The following CDH8 variants were observed in gnomAD, a reference collection of about 807,000 sequenced individuals.
The protein encoded by CDH8 is cadherin-8.
A neutral mutation model predicts 68.1 loss-of-function variants in CDH8; 17 were observed. The observed-to-expected ratio is 0.25, with a 90% CI of 0.17 to 0.37. The LOEUF is 0.37. Ranked by LOEUF, CDH8 falls within the 10% of genes least tolerant of loss-of-function variation. The pLI is 1.00. For missense variants in CDH8, 763 were observed against 999.3 expected (o/e 0.76, Z 3.19); for synonymous variants, 372 against 365.1 (o/e 1.02, Z -0.21).
intron 2 of CDH8, among the ~76,000 whole-genome samples, chr16:61,959,845 A>T: frequency 6.7e-6 from 1 of 148,326 alleles, no homozygotes; most frequent in Non-Finnish European, 1.5e-5. Flanking sequence ...GTATATATAT[A>T]TACATATATG....
rs149979684 is a variant in CDH8 at position 61,719,409 on chromosome 16, C to T, written c.1537-5451G>A. Among the ~76,000 whole-genome samples, 106 of 151,128 alleles carry T rather than the reference C, an allele frequency of 7.0e-4. 2 individuals are homozygous for T. The East Asian group carries it at 0.02, about 28-fold the overall frequency. The stretch of plus-strand genomic sequence containing the variant: ...TAAATTGAAGTAAACCAATACAACG[C>T]TAGGATTCCAGAAGAATGCGTCTAT... On this transcript the variant is annotated intron_variant, in intron 9 of 11. Coordinates refer to ENST00000577390, the MANE Select transcript of CDH8 (RefSeq NM_001796.5).
intron 7 of CDH8, among the ~76,000 whole-genome samples, chr16:61,789,770 C>G (rs1345816406): frequency 6.6e-6 from 1 of 152,040 alleles, no homozygotes; most frequent in Non-Finnish European, 1.5e-5. Flanking sequence ...GTTAATTGGA[C>G]AATCCATCAC....
chr16:62,002,829 G>A (rs2408009), intron 2 of CDH8, among the ~76,000 whole-genome samples: 1,712 of 152,170 alleles, frequency 0.011, 33 homozygotes, highest in African/African-American at 0.039. Flanking sequence ...CGAGGTGGGC[G>A]GATCACGAGG....
rs956931500 is a variant in CDH8, at chr16:61,791,077, T to A, written c.1278-1595A>T. Among the ~76,000 whole-genome samples, 15 of 152,046 alleles carry A rather than the reference T, an allele frequency of 9.9e-5. No homozygotes were observed. The East Asian group carries it at 2.9e-3, about 29-fold the overall frequency. ...AATTTCTCAATTGTTTATTGAGAAA[T>A]CATTTGAAAAAATATATTATGAAAT... On this transcript the variant is annotated intron_variant, in intron 7 of 11. Coordinates refer to ENST00000577390, the MANE Select transcript of CDH8 (RefSeq NM_001796.5).
At chr16:61,744,632 C>T (rs1027119533) in intron 8 of CDH8, among the ~76,000 whole-genome samples, 2 of 151,380 alleles carry the variant, frequency 1.3e-5, no homozygotes, top group East Asian at 3.9e-4. Context: ...TAGTTTTCCC[C>T]TTTTCTATGT....
At chr16:61,694,138 T>C (rs1456364489) in intron 10 of CDH8, among the ~76,000 whole-genome samples, 1 of 152,118 alleles carries the variant, frequency 6.6e-6, no homozygotes, top group Non-Finnish European at 1.5e-5. Flanking sequence ...AAATTGACTT[T>C]TGTTTGTTTG....
intron 2 of CDH8, among the ~76,000 whole-genome samples, chr16:61,973,526 G>A (rs1965381297): frequency 1.3e-5 from 2 of 152,134 alleles, no homozygotes; most frequent in South Asian, 4.1e-4. Context: ...AACTGTGTAC[G>A]GCTCTTCAGA....
At chr16:62,035,582 C>T (rs888450812) in intron 1 of CDH8, among the ~76,000 whole-genome samples, 1 of 152,130 alleles carries the variant, frequency 6.6e-6, no homozygotes, top group Non-Finnish European at 1.5e-5. Flanking sequence ...TCCCTCGCCT[C>T]GGAGATGAGG....
intron 2 of CDH8, among the ~76,000 whole-genome samples, chr16:62,002,835 C>G (rs778990428): frequency 6.6e-6 from 1 of 152,090 alleles, no homozygotes; most frequent in Non-Finnish European, 1.5e-5. Flanking sequence ...GGGCGGATCA[C>G]GAGGTCAGGA....
At chr16:61,982,596 G>C (rs1223268240) in intron 2 of CDH8, among the ~76,000 whole-genome samples, 2 of 152,142 alleles carry the variant, frequency 1.3e-5, no homozygotes, top group African/African-American at 4.8e-5. Context: ...CCCTCTTTGA[G>C]TTGTTATAAA....
chr16:62,026,612 C>A (rs1218781845), intron 1 of CDH8, among the ~76,000 whole-genome samples: 2 of 152,174 alleles, frequency 1.3e-5, no homozygotes, highest in Non-Finnish European at 2.9e-5. Context: ...TGAATATATG[C>A]AATTTTATAT....
chr16:61,879,215 A>G (rs1246576589), intron 3 of CDH8, among the ~76,000 whole-genome samples: 1 of 152,210 alleles, frequency 6.6e-6, no homozygotes, highest in Non-Finnish European at 1.5e-5. Context: ...ATATTGAATC[A>G]TCAAGTAAAA....
At chr16:61,941,155 G>C (rs989588874) in intron 2 of CDH8, among the ~76,000 whole-genome samples, 1 of 152,106 alleles carries the variant, frequency 6.6e-6, no homozygotes, top group Non-Finnish European at 1.5e-5. Flanking sequence ...AAGGCAAATT[G>C]CATTCATCTT....
At chr16:61,662,824 T>C (rs1356123273) in intron 10 of CDH8, among the ~76,000 whole-genome samples, 3 of 151,908 alleles carry the variant, frequency 2.0e-5, no homozygotes, top group African/African-American at 7.2e-5. Context: ...TGGATTTTGA[T>C]ATCCACAGGA....
At position 61,768,429 on chromosome 16, in the gene CDH8, C is replaced by CTCT. The variant is rs1555508728; in HGVS notation, c.1414+20916_1414+20917insAGA. On this transcript the variant is annotated intron_variant, in intron 8 of 11. Transcript: ENST00000577390. Reference sequence around the variant, plus strand: ...CTCTCTCTCTCTCTCTCTCTCTCTCCCTCTCCCTCTCTCTCTCGCAGTGCC... The same window carrying CTCT: ...CTCTCTCTCTCTCTCTCTCTCTCTCCTCTCTCTCCCTCTCTCTCTCGCAGTGCC... Among the ~76,000 whole-genome samples the CTCT allele has an allele frequency of 6.2e-3, 429 of 69,146 alleles. 5 individuals are homozygous for CTCT. Among genetic ancestry groups the CTCT allele is most frequent in the Middle Eastern group, 0.01 (1 of 98 alleles). The allele number at this position is 69,146 out of a possible 152,430, so 45.4% of individuals were successfully genotyped here.
rs1156518846 is a variant in CDH8 at position 61,952,707 on chromosome 16, G to T, written c.253-51234C>A. ...AATAAGCAAGCAGGGGCAAAATTAT[G>T]CAATGTTTATTAGGGATCCTCGGAA... On this transcript the variant is annotated intron_variant, in intron 2 of 11. Transcript: ENST00000577390. Among the ~76,000 whole-genome samples the T allele has an allele frequency of 3.9e-5, 6 of 152,176 alleles. No individual in the cohort carries two copies. The East Asian group carries it at 1.2e-3, about 29-fold the overall frequency.
intron 8 of CDH8, among the ~76,000 whole-genome samples, chr16:61,756,274 C>T (rs1357002536): frequency 3.9e-5 from 6 of 152,084 alleles, no homozygotes; most frequent in Non-Finnish European, 5.9e-5. Context: ...CAATAACCAG[C>T]AATATTTTCT....
chr16:61,652,166 C>CTG lies in CDH8; in HGVS notation c.*1441_*1442insCA. 1 of 982,664 alleles carries CTG rather than the reference C, an allele frequency of 1.0e-6. No individual in the cohort carries two copies. 60.9% of individuals were successfully genotyped at this position (982,664 alleles called of 1,614,324 possible). ...GAGTTTTATCATACATTTTCTACTC[C>CTG]TAAATGGCAGGTTTGCATTACAAAT... On this transcript the variant is annotated 3_prime_UTR_variant, in exon 12 of 12. Transcript: ENST00000577390.
intron 8 of CDH8, among the ~76,000 whole-genome samples, chr16:61,744,130 T>C (rs1229757605): frequency 1.3e-5 from 2 of 152,122 alleles, no homozygotes; most frequent in Non-Finnish European, 2.9e-5. Flanking sequence ...TTTCGTGCAG[T>C]ATTTTATACC....
Sources: gnomAD v4.1 joint callset for allele counts (sites outside exome capture counted in the v4.1 genomes callset) on GRCh38, gnomAD v4.1.1 for gene constraint, MANE v1.5 for transcripts, NCBI Gene and HGNC (gene_info 2026-07-23, HGNC 2026-07-21) for gene names.